CNTN6: variants seen among roughly 807,000 people sequenced by gnomAD.
CNTN6 encodes the protein contactin-6.
In CNTN6, 137 loss-of-function variants were observed where a neutral mutation model predicts 122.8. The ratio of observed to expected loss-of-function variants is 1.12; its 90% CI spans 0.97 to 1.29. The LOEUF (loss-of-function observed/expected upper bound fraction) is 1.29. CNTN6 is among the 50% of genes most tolerant of loss of function. The pLI, the probability that CNTN6 is intolerant of heterozygous loss-of-function variation, is 0.00. For synonymous variants in CNTN6, 570 were observed against 426.0 expected (o/e 1.34, Z -4.16); for missense variants, 1,634 against 1,223.4 (o/e 1.34, Z -5.01).
At chr3:1,298,971 T>C (rs1055735164) in intron 7 of CNTN6, among the ~76,000 whole-genome samples, 1 of 152,180 alleles carries the variant, frequency 6.6e-6, no homozygotes, top group African/African-American at 2.4e-5. Flanking sequence ...CATCCTTAAA[T>C]GTCTCAGTCA....
chr3:1,257,711 C>T (rs541734213), intron 4 of CNTN6, among the ~76,000 whole-genome samples: 24 of 152,250 alleles, frequency 1.6e-4, no homozygotes, highest in African/African-American at 5.5e-4. Flanking sequence ...CCTTCACACC[C>T]CTCCCGGCAG....
At chr3:1,369,663 ATTACT>A (rs1575904074) in intron 12 of CNTN6, among the ~76,000 whole-genome samples, 1 of 152,138 alleles carries the variant, frequency 6.6e-6, no homozygotes, top group African/African-American at 2.4e-5. Context: ...ATGTCTGAAA[ATTACT>A]TTAATTGCAT....
At chr3:1,393,287 C>A (rs1694470126) in intron 20 of CNTN6, among the ~76,000 whole-genome samples, 1 of 97,232 alleles carries the variant, frequency 1.0e-5, no homozygotes, top group Non-Finnish European at 2.0e-5. Context: ...AATCATCATT[C>A]TCAGTAAACT....
At chr3:1,218,907 T>C (rs1157625732) in intron 2 of CNTN6, among the ~76,000 whole-genome samples, 1 of 152,224 alleles carries the variant, frequency 6.6e-6, no homozygotes, top group Non-Finnish European at 1.5e-5. Context: ...ATGGCTACTT[T>C]GCTGGCAGAG....
intron 3 of CNTN6, among the ~76,000 whole-genome samples, chr3:1,226,706 T>C (rs1267807238): frequency 6.6e-6 from 1 of 152,170 alleles, no homozygotes; most frequent in African/African-American, 2.4e-5. Context: ...TTCCTGTTTT[T>C]TAGGATTTTT....
At chr3:1,326,341 T>C (rs1211674936) in intron 9 of CNTN6, among the ~76,000 whole-genome samples, 1 of 151,824 alleles carries the variant, frequency 6.6e-6, no homozygotes, top group Non-Finnish European at 1.5e-5. Context: ...ATAAGAGAGA[T>C]ACAAGTATTA....
chr3:1,386,138 C>CAGTTGCCTACCTAT (rs1194053497), intron 20 of CNTN6, among the ~76,000 whole-genome samples: 2 of 152,266 alleles, frequency 1.3e-5, no homozygotes, highest in Non-Finnish European at 2.9e-5. Flanking sequence ...CTTTGAGTCT[C>CAGTTGCCTACCTAT]AGTTGCCTAC....
intron 2 of CNTN6, among the ~76,000 whole-genome samples, chr3:1,207,287 A>G (rs1575236475): frequency 6.6e-6 from 1 of 151,974 alleles, no homozygotes; most frequent in East Asian, 1.9e-4. Flanking sequence ...TGATTTCCAA[A>G]TTTTTCTCCA....
chr3:1,105,916 A>G (rs553599436), intron 1 of CNTN6, among the ~76,000 whole-genome samples: 1 of 152,284 alleles, frequency 6.6e-6, no homozygotes, highest in East Asian at 1.9e-4. Flanking sequence ...CTAATGGTGA[A>G]CAAAATAGCA....
chr3:1,160,365 T>TATATATATATAC (rs1486849078), intron 2 of CNTN6, among the ~76,000 whole-genome samples: 4 of 133,416 alleles, frequency 3.0e-5, no homozygotes, highest in African/African-American at 1.2e-4. Context: ...TATATATATA[T>TATATATATATAC]ATACACACTA....
intron 12 of CNTN6, among the ~76,000 whole-genome samples, chr3:1,370,132 A>G (rs1429487709): frequency 6.6e-6 from 1 of 152,090 alleles, no homozygotes; most frequent in Non-Finnish European, 1.5e-5. Context: ...TAAGATCCAA[A>G]AAAAAGAAAG....
At chr3:1,358,692 A>G (rs538704422) in intron 12 of CNTN6, among the ~76,000 whole-genome samples, 1 of 152,096 alleles carries the variant, frequency 6.6e-6, no homozygotes, top group East Asian at 1.9e-4. Flanking sequence ...TGACTCCCTC[A>G]TCCCAACATG....
At chr3:1,377,207 T>G in intron 17 of CNTN6, 132 bp downstream of exon 17, 1 of 548,458 alleles carries the variant, frequency 1.8e-6, no homozygotes, top group Non-Finnish European at 3.1e-6. Flanking sequence ...TACATCATCC[T>G]GATGATGAAT....
At chr3:1,211,369 G>A (rs748514867) in intron 2 of CNTN6, among the ~76,000 whole-genome samples, 1 of 152,136 alleles carries the variant, frequency 6.6e-6, no homozygotes, top group African/African-American at 2.4e-5. Context: ...TCTAATGTAT[G>A]TGAGTTTCCC....
chr3:1,224,365 A>C (rs1369286059), intron 3 of CNTN6, among the ~76,000 whole-genome samples: 1 of 152,038 alleles, frequency 6.6e-6, no homozygotes, highest in African/African-American at 2.4e-5. Flanking sequence ...CAGTAGAGGG[A>C]TTATACTCAA....
intron 1 of CNTN6, among the ~76,000 whole-genome samples, chr3:1,104,160 C>G (rs866624732): frequency 1.3e-5 from 2 of 152,158 alleles, no homozygotes; most frequent in Middle Eastern, 3.4e-3. Flanking sequence ...GTATACAACT[C>G]TACCAGGTGG....
intron 12 of CNTN6, 104 bp from the exon 13 acceptor site, chr3:1,372,195 A>G (rs1245943336): frequency 2.3e-5 from 19 of 828,764 alleles, no homozygotes; most frequent in Non-Finnish European, 3.2e-5. Context: ...TCCAGGTTGC[A>G]TTTATATAAT....
intron 2 of CNTN6, among the ~76,000 whole-genome samples, chr3:1,171,614 A>G (rs568921043): frequency 6.6e-6 from 1 of 151,620 alleles, no homozygotes; most frequent in South Asian, 2.1e-4. Context: ...ACTGCTCTAT[A>G]CTCTTTTTTT....
At chr3:1,095,135 AT>A (rs1245232645) in intron 1 of CNTN6, among the ~76,000 whole-genome samples, 3 of 151,700 alleles carry the variant, frequency 2.0e-5, no homozygotes, top group African/African-American at 7.3e-5. Flanking sequence ...TCAATAATAG[AT>A]ACTCTTCTGT....
Sources: gnomAD v4.1 joint callset for allele counts (sites outside exome capture counted in the v4.1 genomes callset) on GRCh38, gnomAD v4.1.1 for gene constraint, MANE v1.5 for transcripts, NCBI Gene and HGNC (gene_info 2026-07-23, HGNC 2026-07-21) for gene names.